Variants in FYCO1 observed in about 807,000 individuals in gnomAD.
The protein encoded by FYCO1 is FYVE and coiled-coil domain-containing protein 1.
In FYCO1, 122 loss-of-function variants were observed where a neutral mutation model predicts 165.1. That is an observed-to-expected ratio of 0.74 (90% CI 0.64 to 0.86). The LOEUF is 0.86. FYCO1 is among the 40% of genes least tolerant of loss of function. FYCO1 has a pLI of 0.00. For missense variants in FYCO1, 1,702 were observed against 1,810.3 expected (o/e 0.94, Z 1.09); for synonymous variants, 648 against 742.5 (o/e 0.87, Z 2.07).
At chr3:45,959,073 C>T (rs1358018674) in intron 12 of FYCO1, among the ~76,000 whole-genome samples, 1 of 152,212 alleles carries the variant, frequency 6.6e-6, no homozygotes, top group Non-Finnish European at 1.5e-5. Flanking sequence ...TTGCTGGCTT[C>T]CAGTAATGCT....
At chr3:45,947,359 T>G (rs1015487971) in intron 14 of FYCO1, 1 of 1,614,134 alleles carries the variant, frequency 6.2e-7, no homozygotes, top group African/African-American at 1.3e-5. Flanking sequence ...TTTGTCAGCC[T>G]GAAGTTTCGA....
chr3:45,969,164 C>G (rs1706280082), intron 7 of FYCO1, among the ~76,000 whole-genome samples: 2 of 152,110 alleles, frequency 1.3e-5, no homozygotes, highest in South Asian at 4.1e-4. Flanking sequence ...TCAGTTTCCA[C>G]AGAACTATAT....
At chr3:45,942,049 G>A (rs1704258073) in intron 14 of FYCO1, among the ~76,000 whole-genome samples, 1 of 152,196 alleles carries the variant, frequency 6.6e-6, no homozygotes, top group African/African-American at 2.4e-5. Context: ...CATGGTTCAT[G>A]CCCATAAGGA....
At chr3:45,938,943 G>A (rs1704048515) in intron 14 of FYCO1, among the ~76,000 whole-genome samples, 1 of 152,242 alleles carries the variant, frequency 6.6e-6, no homozygotes, top group African/African-American at 2.4e-5. Context: ...AGCAACCAAA[G>A]CATGACCACT....
chr3:45,968,252 T>C lies in FYCO1; in HGVS notation c.1082A>G (p.Lys361Arg). 6.2e-7 allele frequency: 1 copy of C among 1,614,046 alleles called. No homozygotes were observed. Among genetic ancestry groups the C allele is most frequent in the Non-Finnish European group, 8.5e-7 (1 of 1,180,036 alleles). Residue 361 changes from lysine (K) to arginine (R), a missense_variant, in exon 8 of 18, where the codon AAA (lysine) becomes AGA (arginine). Lys to Arg is a conservative substitution (Grantham distance 26). Coordinates refer to ENST00000296137, the MANE Select transcript of FYCO1 (RefSeq NM_024513.4). ...TGGGAAGCTGGCTAAATGCTGGTTT[T>C]TCTTGTCCAGTGAGTCCCGTGTGGC... The part of the protein sequence containing the change: ...LEATRDSLDK[K>R]NQHLASFPGW...
chr3:45,964,394 G>T lies in FYCO1; in HGVS notation c.3211C>A (p.Gln1071Lys). ...SCTSNHLAEC[Q>K]AAMLRKDKEG... ...TTGTCCTTCCTCAGCATGGCCGCCTGGCACTCTGCAAGATGGTTGCTAGTG... is the reference window on the plus strand; with the variant it reads ...TTGTCCTTCCTCAGCATGGCCGCCTTGCACTCTGCAAGATGGTTGCTAGTG... Residue 1071 changes from glutamine to lysine, a missense_variant, in exon 10 of 18, where the codon CAG becomes AAG. Coordinates refer to ENST00000296137, the MANE Select transcript of FYCO1 (RefSeq NM_024513.4). The surrounding 1 kb of genome is among the most constrained non-coding windows in gnomAD (Gnocchi z 4.1). 6.2e-7 allele frequency: 1 copy of T among 1,614,082 alleles called. No homozygotes were observed. The highest frequency in any genetic ancestry group is 8.5e-7 in the Non-Finnish European group (1 of 1,179,974).
chr3:45,946,660 A>G (rs746949889), intron 14 of FYCO1: 22 of 1,614,066 alleles, frequency 1.4e-5, no homozygotes, highest in Non-Finnish European at 1.9e-5. Flanking sequence ...ATCTTCTACC[A>G]TAAGTTGCAG....
chr3:45,967,453 A>G lies in FYCO1; in HGVS notation c.1881T>C (p.Asn627=), dbSNP rs1471041204. The G allele has an allele frequency of 6.2e-7, 1 of 1,613,282 alleles. No homozygotes were observed. The highest frequency in any genetic ancestry group is 1.3e-5 in the African/African-American group (1 of 74,840). Residue 627 remains asparagine, a synonymous_variant, in exon 8 of 18, where the codon AAT becomes AAC. Transcript: ENST00000296137. ...ANRELEKELQ[N]VVGRNQLLEG... ...CCAGGAGCTGGTTACGCCCGACCAC[A>G]TTCTGTAGCTCCTTCTCCAGCTCCC...
rs1340104837 is a variant in FYCO1, at chr3:45,981,637, C to T, written c.95G>A (p.Gly32Glu). The T allele has an allele frequency of 6.2e-7, 1 of 1,614,036 alleles. No individual in the cohort carries two copies. Among genetic ancestry groups the T allele is most frequent in the Non-Finnish European group, 8.5e-7 (1 of 1,179,892 alleles). The change falls in exon 3 of 18, where the codon GGG becomes GAG. Residue 32 changes from glycine to glutamate, a missense_variant. By Grantham distance (98) the Gly-to-Glu change is moderately conservative (BLOSUM62 -2). Transcript: ENST00000296137. ...TELSKEFQEA[G>E]EPITDDSTSL... ...GGTGCTGTCATCCGTGATGGGTTCC[C>T]CTGCTTCCTGAAATTCTTTGCTTAG... is the stretch of plus-strand genomic sequence containing the variant.
intron 8 of FYCO1, 30 bp downstream of exon 8, chr3:45,966,247 T>A: frequency 6.2e-7 from 1 of 1,609,336 alleles, no homozygotes; most frequent in Non-Finnish European, 8.5e-7. Flanking sequence ...GGGAGAGGGG[T>A]AGAGCCCAAG....
intron 8 of FYCO1, among the ~76,000 whole-genome samples, chr3:45,965,479 T>C (rs1323695394): frequency 6.6e-6 from 1 of 152,160 alleles, no homozygotes; most frequent in Non-Finnish European, 1.5e-5. Flanking sequence ...TGCACAGACC[T>C]TGATGCAGAC....
chr3:45,921,731 C>A lies in FYCO1; in HGVS notation c.*34G>T. On this transcript the variant is annotated 3_prime_UTR_variant, in exon 18 of 18. Transcript: ENST00000296137. ...GACAGGTGAGGAAGAGCAGTGTTTCCTGTGGATGAAGTGAAGTTACTGAGG... is the reference window on the plus strand; with the variant it reads ...GACAGGTGAGGAAGAGCAGTGTTTCATGTGGATGAAGTGAAGTTACTGAGG... The A allele has an allele frequency of 7.3e-7, 1 of 1,370,362 alleles. No individual in the cohort carries two copies. The highest frequency in any genetic ancestry group is 1.2e-5 in the South Asian group (1 of 86,248). The allele number at this position is 1,370,362 out of a possible 1,614,324, so 84.9% of individuals were successfully genotyped here.
Position 45,966,587 on chromosome 3 carries a change from G to C in FYCO1, c.2747C>G (p.Thr916Ser). Reference protein sequence around the residue: ...AELGIQVCALTVEKERVEEAL... With the variant: ...AELGIQVCALSVEKERVEEAL... Reference sequence around the variant, plus strand: ...CTCCTCCACTCGCTCCTTTTCCACGGTCAGTGCGCAAACCTGGATGCCCAG... The same window carrying C: ...CTCCTCCACTCGCTCCTTTTCCACGCTCAGTGCGCAAACCTGGATGCCCAG... The change falls in exon 8 of 18, where the codon ACC (threonine) becomes AGC (serine). Residue 916 changes from threonine (T) to serine (S), a missense_variant. Transcript: ENST00000296137. 1 of 1,614,168 alleles carries C rather than the reference G, an allele frequency of 6.2e-7. No individual in the cohort carries two copies. The highest frequency in any genetic ancestry group is 8.5e-7 in the Non-Finnish European group (1 of 1,180,036).
intron 13 of FYCO1, among the ~76,000 whole-genome samples, chr3:45,957,274 G>A (rs1251838817): frequency 6.6e-6 from 1 of 152,224 alleles, no homozygotes; most frequent in Non-Finnish European, 1.5e-5. Flanking sequence ...AGGCCTAAAT[G>A]TATAAGCTAA....
chr3:45,953,918 T>C (rs1374001823), intron 14 of FYCO1, among the ~76,000 whole-genome samples: 2 of 152,230 alleles, frequency 1.3e-5, no homozygotes, highest in Non-Finnish European at 2.9e-5. Flanking sequence ...TGCAACTAAA[T>C]CCGAGCTTCC....
chr3:45,984,529 G>A, intron 2 of FYCO1: 2 of 459,022 alleles, frequency 4.4e-6, no homozygotes, highest in South Asian at 4.3e-5. Flanking sequence ...GAGCCCAGAA[G>A]TTTGGGATTT....
At chr3:45,973,254 T>C (rs779197604) in intron 5 of FYCO1, 23 bp from the exon 6 acceptor site, 2 of 1,611,894 alleles carry the variant, frequency 1.2e-6, no homozygotes, top group Non-Finnish European at 8.5e-7. Context: ...ATGTCAATTA[T>C]AAGAGTAATA....
At chr3:45,939,964 A>G (rs969970661) in intron 14 of FYCO1, among the ~76,000 whole-genome samples, 2 of 152,262 alleles carry the variant, frequency 1.3e-5, no homozygotes, top group African/African-American at 4.8e-5. Context: ...GTGCAGGTAC[A>G]GCACAGGTCT....
chr3:45,982,015 G>A (rs1707086238), intron 2 of FYCO1, among the ~76,000 whole-genome samples: 1 of 152,202 alleles, frequency 6.6e-6, no homozygotes, highest in Non-Finnish European at 1.5e-5. Context: ...CTGACTTCCA[G>A]AAAGCTTTAC....
Sources: allele counts gnomAD v4.1 joint callset (sites outside exome capture counted in the v4.1 genomes callset), GRCh38; gene constraint gnomAD v4.1.1; non-coding constraint Gnocchi (gnomAD v3.1); transcripts MANE v1.5; gene names NCBI Gene and HGNC (gene_info 2026-07-23, HGNC 2026-07-21).